Variants in FAM131B observed in about 807,000 individuals in gnomAD.
The protein encoded by FAM131B is protein FAM131B.
A neutral mutation model predicts 42.0 loss-of-function variants in FAM131B; 19 were observed. That is an observed-to-expected ratio of 0.45 (90% CI 0.32 to 0.66). The LOEUF (loss-of-function observed/expected upper bound fraction) is 0.66. Among genes scored for constraint, FAM131B ranks in the 30% least tolerant of loss-of-function variants. FAM131B has a pLI of 0.05. For synonymous variants in FAM131B, 183 were observed against 177.6 expected, an observed-to-expected ratio of 1.03 and a Z score of -0.24; for missense variants, 370 against 468.4, an observed-to-expected ratio of 0.79 and a Z score of 1.94.
the FAM131B span, among the ~76,000 whole-genome samples, chr7:143,379,291 C>A: frequency 1.3e-5 from 2 of 152,212 alleles, no homozygotes; most frequent in Non-Finnish European, 2.9e-5. Context: ...CAATCTCCAA[C>A]ATGCACAGGA....
At chr7:143,377,506 G>C in the FAM131B span, among the ~76,000 whole-genome samples, 1 of 152,066 alleles carries the variant, frequency 6.6e-6, no homozygotes, top group Non-Finnish European at 1.5e-5. Context: ...CTGAGGAGAA[G>C]TGATGGAATA....
chr7:143,371,438 C>T, the FAM131B span, among the ~76,000 whole-genome samples: 6 of 151,550 alleles, frequency 4.0e-5, no homozygotes, highest in East Asian at 7.8e-4. Context: ...ATATGGAGAC[C>T]TTGTCTTTAC....
rs1172532530 is a variant in FAM131B, at chr7:143,356,883, C to T, written c.750G>A (p.Gly250=). 1 of 1,614,106 alleles carries T rather than the reference C, an allele frequency of 6.2e-7. No homozygotes were observed. Among genetic ancestry groups the T allele is most frequent in the South Asian group, 1.1e-5 (1 of 91,082 alleles). The change falls in exon 7 of 7, where the codon GGG becomes GGA. Residue 250 remains glycine (G), a synonymous_variant. Transcript: ENST00000443739. This position sits in a 1 kb window ranked among gnomAD's most constrained non-coding sequence, Gnocchi z 4.4. ...IASPATGSYL[G]PAFDDSQPSL... is the part of the protein sequence containing the mutation. ...TGGGTTGTGAGTCATCAAATGCAGG[C>T]CCAAGATAGGATCCTGTGGCCGGAG... is the stretch of plus-strand genomic sequence containing the variant.
Position 143,358,738 on chromosome 7 carries a change from G to T in FAM131B, c.466+89C>A. 1 of 974,402 alleles carries T rather than the reference G, an allele frequency of 1.0e-6. No individual in the cohort carries two copies. 60.4% of individuals were successfully genotyped at this position (974,402 alleles called of 1,614,324 possible). Reference sequence around the variant, plus strand: ...TGAATCTACGGTCAAAGTATGGATGGAGCTAATCCTGCCACAGGGGATCAG... The same window carrying T: ...TGAATCTACGGTCAAAGTATGGATGTAGCTAATCCTGCCACAGGGGATCAG... On this transcript the variant is annotated intron_variant, in intron 5 of 6. Coordinates refer to ENST00000443739, the MANE Select transcript of FAM131B (RefSeq NM_001031690.3). This position sits in a 1 kb window ranked among gnomAD's most constrained non-coding sequence, Gnocchi z 4.7.
Position 143,353,964 on chromosome 7 carries a change from C to G in FAM131B, c.*2586G>C, listed in dbSNP as rs1803541464. The G allele has an allele frequency of 6.6e-6, 1 of 152,180 alleles. No individual in the cohort carries two copies. The highest frequency in any genetic ancestry group is 2.4e-5 in the African/African-American group (1 of 41,324). The allele number at this position is 152,180 out of a possible 1,614,324, so 9.4% of individuals were successfully genotyped here. Reference sequence around the variant, plus strand: ...TCCAGGACTGCTGTAAAACGTGCTGCACAGCCTTAACCCCAAAGGAAAAGC... The same window carrying G: ...TCCAGGACTGCTGTAAAACGTGCTGGACAGCCTTAACCCCAAAGGAAAAGC... On this transcript the variant is annotated 3_prime_UTR_variant, in exon 7 of 7. Transcript: ENST00000443739.
chr7:143,365,906 G>A (rs920002063), upstream of FAM131B, among the ~76,000 whole-genome samples: 2 of 152,140 alleles, frequency 1.3e-5, no homozygotes, highest in African/African-American at 2.4e-5. Flanking sequence ...ACCACGCCTG[G>A]CTTACTAATT....
At chr7:143,380,774 AC>A in the FAM131B span, 6 of 984,558 alleles carry the variant, frequency 6.1e-6, no homozygotes, top group Non-Finnish European at 6.0e-6. This position sits in a 1 kb window ranked among gnomAD's most constrained non-coding sequence, Gnocchi z 5.0. Flanking sequence ...CCCGCTCCTC[AC>A]CCCCCATCCC....
In FAM131B at chr7:143,359,086, TC is replaced by T. The variant is rs1803823730; in HGVS notation, c.269-63del. ...TCACACAATACCCATAACCAGACCC[TC>T]CCAGTTCCTCCCACCCCAGCCCCAT... On this transcript the variant is annotated intron_variant, in intron 4 of 6. Coordinates refer to ENST00000443739, the MANE Select transcript of FAM131B (RefSeq NM_001031690.3). This position sits in a 1 kb window ranked among gnomAD's most constrained non-coding sequence, Gnocchi z 5.4. 6 of 1,491,094 alleles carry T rather than the reference TC, an allele frequency of 4.0e-6. No individual in the cohort carries two copies. Among genetic ancestry groups the T allele is most frequent in the Non-Finnish European group, 3.7e-6 (4 of 1,092,568 alleles). 92.4% of individuals were successfully genotyped at this position (1,491,094 alleles called of 1,614,324 possible). A position where few individuals can be genotyped will look rare whatever the true frequency, so the allele number is the denominator to read the frequency against.
At chr7:143,368,115 C>A in the FAM131B span, among the ~76,000 whole-genome samples, 1 of 152,240 alleles carries the variant, frequency 6.6e-6, no homozygotes, top group African/African-American at 2.4e-5. Flanking sequence ...AGGTCCCAAG[C>A]ACACACAGCA....
chr7:143,362,210 G>T lies in FAM131B; in HGVS notation c.28+366C>A, dbSNP rs1804034917. The T allele has an allele frequency of 5.2e-6, 1 of 193,094 alleles. No homozygotes were observed. The highest frequency in any genetic ancestry group is 1.1e-5 in the Non-Finnish European group (1 of 94,648). 12.0% of individuals were successfully genotyped at this position (193,094 alleles called of 1,614,324 possible). ...GGCTGCTCCGGAGTGGGGGATGCGA[G>T]GAGGCGCTGGGGACGGCGGAGCAGA... On this transcript the variant is annotated intron_variant, in intron 1 of 6. Coordinates refer to ENST00000443739, the MANE Select transcript of FAM131B (RefSeq NM_001031690.3). The surrounding 1 kb of genome is among the most constrained non-coding windows in gnomAD (Gnocchi z 7.7).
chr7:143,381,550 A>AT, the FAM131B span: 5 of 1,603,942 alleles, frequency 3.1e-6, no homozygotes, highest in Non-Finnish European at 3.4e-6. Flanking sequence ...CCGGCGACCC[A>AT]CCCCAGCAGC....
the FAM131B span, among the ~76,000 whole-genome samples, chr7:143,373,590 G>A: frequency 7.9e-5 from 12 of 152,106 alleles, no homozygotes; most frequent in Admixed American, 2.6e-4. Flanking sequence ...GCGCTGAGGC[G>A]GTGTGTCCTC....
chr7:143,370,748 T>C, the FAM131B span, among the ~76,000 whole-genome samples: 1 of 152,220 alleles, frequency 6.6e-6, no homozygotes, highest in South Asian at 2.1e-4. Context: ...CCAGCAGCCC[T>C]CAGGGCTGCT....
the FAM131B span, chr7:143,380,872 C>A: frequency 1.3e-6 from 1 of 775,578 alleles, no homozygotes; most frequent in Non-Finnish European, 1.6e-6. This position sits in a 1 kb window ranked among gnomAD's most constrained non-coding sequence, Gnocchi z 5.0. Context: ...AGGAGGGGAC[C>A]GGGTAACGGC....
upstream of FAM131B, chr7:143,362,765 T>C (rs1322985267): frequency 2.9e-5 from 7 of 237,734 alleles, no homozygotes; most frequent in East Asian, 1.1e-4. The surrounding 1 kb of genome is among the most constrained non-coding windows in gnomAD (Gnocchi z 7.7). Flanking sequence ...GGCAGCTCCG[T>C]CGCCGCCGCC....
chr7:143,358,999 A>G lies in FAM131B; in HGVS notation c.294T>C (p.His98=). The G allele has an allele frequency of 6.2e-7, 1 of 1,613,872 alleles. No homozygotes were observed. The highest frequency in any genetic ancestry group is 8.5e-7 in the Non-Finnish European group (1 of 1,180,004). ...FSGISRSMKD[H]VTKPTAMGQG... is the part of the protein sequence containing the mutation. ...GCCCCATGGCTGTGGGCTTTGTCACATGGTCCTTCATGCTCCGTGAGATCC... is the reference window on the plus strand; with the variant it reads ...GCCCCATGGCTGTGGGCTTTGTCACGTGGTCCTTCATGCTCCGTGAGATCC... Residue 98 remains histidine, a synonymous_variant, in exon 5 of 7, where the codon CAT becomes CAC. Coordinates refer to ENST00000443739, the MANE Select transcript of FAM131B (RefSeq NM_001031690.3). The surrounding 1 kb of genome is among the most constrained non-coding windows in gnomAD (Gnocchi z 4.7).
chr7:143,358,858 G>A lies in FAM131B; in HGVS notation c.435C>T (p.Ser145=), dbSNP rs776864500. 19 of 1,613,942 alleles carry A rather than the reference G, an allele frequency of 1.2e-5. No homozygotes were observed. Among genetic ancestry groups the A allele is most frequent in the African/African-American group, 4.0e-5 (3 of 74,904 alleles). ...RRDTDAYSDL[S]DGEKEARFLA... ...GAAAACGTGCCTCCTTCTCGCCATCGCTGAGGTCGGAGTAGGCATCCGTAT... is the reference window on the plus strand; with the variant it reads ...GAAAACGTGCCTCCTTCTCGCCATCACTGAGGTCGGAGTAGGCATCCGTAT... Residue 145 remains serine, a synonymous_variant, in exon 5 of 7, where the codon AGC becomes AGT. Coordinates refer to ENST00000443739, the MANE Select transcript of FAM131B (RefSeq NM_001031690.3). This position sits in a 1 kb window ranked among gnomAD's most constrained non-coding sequence, Gnocchi z 4.7.
At chr7:143,381,594 C>T in the FAM131B span, 2 of 1,611,210 alleles carry the variant, frequency 1.2e-6, no homozygotes, top group Non-Finnish European at 1.7e-6. Context: ...CGCCCGTCTC[C>T]CGCGATCTCC....
chr7:143,361,530 G>A (rs901431668), intron 1 of FAM131B: 4 of 151,490 alleles, frequency 2.6e-5, no homozygotes, highest in African/African-American at 7.3e-5. Context: ...CTTCTGGAGA[G>A]TGAGTTTGTT....
Sources: gnomAD v4.1 joint callset for allele counts (sites outside exome capture counted in the v4.1 genomes callset) on GRCh38, gnomAD v4.1.1 for gene constraint, Gnocchi (gnomAD v3.1) non-coding constraint, MANE v1.5 for transcripts, NCBI Gene and HGNC (gene_info 2026-07-23, HGNC 2026-07-21) for gene names.